HSD17B4: variants seen among roughly 807,000 people sequenced by gnomAD.
The protein encoded by HSD17B4 is peroxisomal multifunctional enzyme type 2.
In HSD17B4, 70 loss-of-function variants were observed where a neutral mutation model predicts 101.0. The ratio of observed to expected loss-of-function variants is 0.69; its 90% CI spans 0.57 to 0.85. The LOEUF is 0.85. Among genes scored for constraint, HSD17B4 ranks in the 40% least tolerant of loss-of-function variants. The pLI, the probability that HSD17B4 is intolerant of heterozygous loss-of-function variation, is 0.00. For missense variants in HSD17B4, 984 were observed against 892.4 expected (o/e 1.10, Z -1.31); for synonymous variants, 347 against 297.1 (o/e 1.17, Z -1.73).
At chr5:119,513,891 T>C (rs1752386566) in intron 16 of HSD17B4, among the ~76,000 whole-genome samples, 1 of 152,192 alleles carries the variant, frequency 6.6e-6, no homozygotes, top group Non-Finnish European at 1.5e-5. Flanking sequence ...CAATGGATTT[T>C]GTGGAATAAA....
intron 1 of HSD17B4, 52 bp downstream of exon 1, chr5:119,452,685 G>C: frequency 1.2e-6 from 2 of 1,611,300 alleles, no homozygotes; most frequent in African/African-American, 1.3e-5. Context: ...GCAGCTGGCT[G>C]CTCTTTTCGG....
intron 8 of HSD17B4, among the ~76,000 whole-genome samples, chr5:119,482,612 T>G (rs534449789): frequency 4.6e-5 from 7 of 152,198 alleles, no homozygotes; most frequent in African/African-American, 1.7e-4. Context: ...TCGTTAGGAG[T>G]TAGGCCGTGT....
chr5:119,515,573 A>G (rs1272235733), intron 17 of HSD17B4, among the ~76,000 whole-genome samples: 1 of 152,202 alleles, frequency 6.6e-6, no homozygotes, highest in African/African-American at 2.4e-5. Context: ...TTTCTGGTGA[A>G]GGAGATAAAA....
intron 22 of HSD17B4, among the ~76,000 whole-genome samples, chr5:119,534,413 GA>G (rs1187412843): frequency 2.0e-5 from 3 of 152,036 alleles, no homozygotes; most frequent in Non-Finnish European, 2.9e-5. Context: ...ACTGGATGAG[GA>G]TGTTCTTTGA....
intron 14 of HSD17B4, 61 bp from the exon 15 acceptor site, chr5:119,506,757 C>G: frequency 1.1e-6 from 1 of 927,950 alleles, no homozygotes; most frequent in East Asian, 2.5e-5. Flanking sequence ...AATTCTTTCA[C>G]ATCTTATTAT....
At chr5:119,472,034 G>T (rs1300322152) in intron 2 of HSD17B4, among the ~76,000 whole-genome samples, 1 of 152,150 alleles carries the variant, frequency 6.6e-6, no homozygotes, top group Admixed American at 6.5e-5. Flanking sequence ...ATAGGGAGAT[G>T]TTTTATGGTA....
At position 119,514,996 on chromosome 5, in the gene HSD17B4, C is replaced by T. The variant is rs1405712253; in HGVS notation, c.1453C>T (p.Pro485Ser). The change falls in exon 17 of 24, where the codon CCT (proline) becomes TCT (serine). Residue 485 changes from proline to serine, a missense_variant. Physicochemically the swap from Pro to Ser is moderately conservative, Grantham distance 74. Transcript: ENST00000510025. ...SDKVKVAVAI[P>S]NRPPDAVLTD... ...TTAATTTTAGGTAGCTGTAGCCATACCTAATAGACCTCCTGATGCTGTACT... is the reference window on the plus strand; with the variant it reads ...TTAATTTTAGGTAGCTGTAGCCATATCTAATAGACCTCCTGATGCTGTACT... 9.6e-6 allele frequency: 15 copies of T among 1,567,846 alleles called. No homozygotes were observed. In the East Asian group the frequency reaches 3.1e-4, roughly 33 times the overall value.
At chr5:119,460,379 C>T (rs1755104554) in intron 2 of HSD17B4, among the ~76,000 whole-genome samples, 1 of 152,172 alleles carries the variant, frequency 6.6e-6, no homozygotes. Context: ...TAAGAAGGCA[C>T]ATGTGAATTC....
intron 2 of HSD17B4, among the ~76,000 whole-genome samples, chr5:119,470,113 G>T (rs1388450293): frequency 6.6e-6 from 1 of 152,168 alleles, no homozygotes; most frequent in Non-Finnish European, 1.5e-5. Context: ...ATGCTGGCCA[G>T]GCTAATTCTC....
chr5:119,462,975 A>G (rs1561430469), intron 2 of HSD17B4, among the ~76,000 whole-genome samples: 2 of 152,282 alleles, frequency 1.3e-5, no homozygotes, highest in East Asian at 1.9e-4. Context: ...GTAATTTTGT[A>G]TTGGTTAATC....
At chr5:119,465,788 C>T (rs1755748364) in intron 2 of HSD17B4, among the ~76,000 whole-genome samples, 1 of 152,078 alleles carries the variant, frequency 6.6e-6, no homozygotes, top group African/African-American at 2.4e-5. Context: ...GTTTGATGTC[C>T]TTCTTTTTAA....
chr5:119,493,601 T>A, intron 10 of HSD17B4: 1 of 495,982 alleles, frequency 2.0e-6, no homozygotes, highest in Non-Finnish European at 3.6e-6. Flanking sequence ...AGAGGAGAAA[T>A]TTTTCCCTTC....
chr5:119,459,677 G>A (rs1755019482), intron 2 of HSD17B4, among the ~76,000 whole-genome samples: 2 of 152,148 alleles, frequency 1.3e-5, no homozygotes, highest in African/African-American at 4.8e-5. Flanking sequence ...TCCCGAGATG[G>A]CACAGGGCGT....
intron 21 of HSD17B4, among the ~76,000 whole-genome samples, chr5:119,530,345 T>G (rs1168325376): frequency 6.6e-6 from 1 of 152,152 alleles, no homozygotes; most frequent in Non-Finnish European, 1.5e-5. Flanking sequence ...ATATAAAGTT[T>G]TGTATGCAAA....
Position 119,536,504 on chromosome 5 carries a change from A to G in HSD17B4, c.2075A>G (p.Asp692Gly), listed in dbSNP as rs2126915869. 3.1e-6 allele frequency: 5 copies of G among 1,612,352 alleles called. No homozygotes were observed. The highest frequency in any genetic ancestry group is 4.2e-6 in the Non-Finnish European group (5 of 1,178,640). The change falls in exon 23 of 24, where the codon GAT becomes GGT. Residue 692 changes from aspartate (D) to glycine (G), a missense_variant. Transcript: ENST00000510025. ...GAADTTIILS[D>G]EDFMEVVLGK... Reference sequence around the variant, plus strand: ...GCTGATACAACAATCATACTTTCAGATGAAGATTTCATGGAGGTGGTCCTG... The same window carrying G: ...GCTGATACAACAATCATACTTTCAGGTGAAGATTTCATGGAGGTGGTCCTG...
chr5:119,457,458 A>G lies in HSD17B4; in HGVS notation c.112+1090A>G, dbSNP rs192312395. Among the ~76,000 whole-genome samples, 130 of 152,358 alleles carry G rather than the reference A, an allele frequency of 8.5e-4. 1 individual carries two copies. The highest frequency in any genetic ancestry group is 2.8e-3 in the African/African-American group (118 of 41,590). On this transcript the variant is annotated intron_variant, in intron 2 of 23. Coordinates refer to ENST00000510025, the MANE Select transcript of HSD17B4 (RefSeq NM_000414.4). ...CATTGTGGATGTGTAGCTTATCTTT[A>G]TGGAAGGAACACTGACGCTTTGGAT...
At chr5:119,487,275 T>A (rs1319830240) in intron 8 of HSD17B4, 1 of 148,924 alleles carries the variant, frequency 6.7e-6, no homozygotes, top group Non-Finnish European at 1.5e-5. Flanking sequence ...GGAGGATACC[T>A]TCTTTATCTC....
chr5:119,487,929 G>T (rs1404602484), intron 8 of HSD17B4, among the ~76,000 whole-genome samples: 3 of 152,096 alleles, frequency 2.0e-5, no homozygotes, highest in African/African-American at 4.8e-5. Flanking sequence ...GGAAGACAGG[G>T]TGCCATTGGA....
At chr5:119,467,333 A>C (rs1755909154) in intron 2 of HSD17B4, among the ~76,000 whole-genome samples, 1 of 152,158 alleles carries the variant, frequency 6.6e-6, no homozygotes, top group East Asian at 1.9e-4. Flanking sequence ...TTTAAGTCCA[A>C]AGTTTCTTTG....
Sources: allele counts gnomAD v4.1 joint callset (sites outside exome capture counted in the v4.1 genomes callset), GRCh38; gene constraint gnomAD v4.1.1; transcripts MANE v1.5; gene names NCBI Gene and HGNC (gene_info 2026-07-23, HGNC 2026-07-21).